The following ZNG1B variants were observed in gnomAD, a reference collection of about 807,000 sequenced individuals.
The protein encoded by ZNG1B is zinc-regulated GTPase metalloprotein activator 1B.
At chr2:113,442,303 A>G in the ZNG1B span, among the ~76,000 whole-genome samples, 1 of 152,174 alleles carries the variant, frequency 6.6e-6, no homozygotes, top group Non-Finnish European at 1.5e-5. Context: ...TCTAGACACA[A>G]TACTTCTGTT....
chr2:113,488,298 A>G, the ZNG1B span, among the ~76,000 whole-genome samples: 4 of 152,194 alleles, frequency 2.6e-5, no homozygotes, highest in Non-Finnish European at 4.4e-5. Flanking sequence ...TCAGGAAGCC[A>G]CATCCATAGG....
chr2:113,471,378 T>A, the ZNG1B span, among the ~76,000 whole-genome samples: 12 of 152,196 alleles, frequency 7.9e-5, no homozygotes, highest in Non-Finnish European at 1.2e-4. Flanking sequence ...TATGAGAAAA[T>A]GCATGAAATA....
the ZNG1B span, among the ~76,000 whole-genome samples, chr2:113,459,894 T>C: frequency 1.1e-4 from 15 of 138,268 alleles, no homozygotes; most frequent in African/African-American, 3.9e-4. Context: ...TAAACAGGAT[T>C]ATGAGGGGGA....
chr2:113,483,199 G>A, the ZNG1B span, among the ~76,000 whole-genome samples: 2 of 152,240 alleles, frequency 1.3e-5, no homozygotes, highest in East Asian at 1.9e-4. Context: ...TAAAGAACGT[G>A]ATGCCAAGAA....
the ZNG1B span, among the ~76,000 whole-genome samples, chr2:113,460,966 C>T: frequency 6.0e-5 from 9 of 149,586 alleles, no homozygotes; most frequent in Non-Finnish European, 1.2e-4. Flanking sequence ...TTGAGGAACT[C>T]GGGAAATATT....
chr2:113,451,320 A>G, the ZNG1B span, among the ~76,000 whole-genome samples: 2 of 144,186 alleles, frequency 1.4e-5, no homozygotes, highest in African/African-American at 2.6e-5. Context: ...TTCAAAATTT[A>G]TGGCAGGCCC....
At chr2:113,477,038 G>T in the ZNG1B span, among the ~76,000 whole-genome samples, 5 of 152,218 alleles carry the variant, frequency 3.3e-5, no homozygotes, top group South Asian at 1.0e-3. Context: ...AGCTGTGGTG[G>T]GCTCCACCCA....
chr2:113,495,962 A>T, the ZNG1B span: 1 of 518,756 alleles, frequency 1.9e-6, no homozygotes, highest in East Asian at 6.7e-5. Flanking sequence ...ATGGTATTTC[A>T]CAAAAATGTC....
At chr2:113,438,514 C>T in the ZNG1B span, among the ~76,000 whole-genome samples, 1 of 152,156 alleles carries the variant, frequency 6.6e-6, no homozygotes, top group South Asian at 2.1e-4. Context: ...TGGCAGGGAG[C>T]GCTCCTATCT....
chr2:113,444,642 T>C, the ZNG1B span, among the ~76,000 whole-genome samples: 1 of 151,990 alleles, frequency 6.6e-6, no homozygotes, highest in African/African-American at 2.4e-5. Context: ...ATAAATTTTA[T>C]CATTATTTTG....
chr2:113,487,388 A>G, the ZNG1B span, among the ~76,000 whole-genome samples: 8 of 152,316 alleles, frequency 5.3e-5, no homozygotes, highest in Admixed American at 4.6e-4. Context: ...GGTAAAAAAC[A>G]CTTAACATGA....
chr2:113,483,153 A>G, the ZNG1B span, among the ~76,000 whole-genome samples: 10 of 152,272 alleles, frequency 6.6e-5, no homozygotes, highest in Admixed American at 5.9e-4. Context: ...GGTATCTGTC[A>G]TATAGCTGAA....
chr2:113,475,321 G>C, the ZNG1B span, among the ~76,000 whole-genome samples: 7 of 152,176 alleles, frequency 4.6e-5, no homozygotes, highest in Admixed American at 2.6e-4. Context: ...CCCCTGCCTT[G>C]TTTTGTTTTC....
chr2:113,477,069 T>C, the ZNG1B span, among the ~76,000 whole-genome samples: 1 of 152,204 alleles, frequency 6.6e-6, no homozygotes, highest in African/African-American at 2.4e-5. Context: ...CCTGGCTGCT[T>C]TGTTTACCTA....
At chr2:113,454,311 T>G in the ZNG1B span, among the ~76,000 whole-genome samples, 10 of 152,286 alleles carry the variant, frequency 6.6e-5, no homozygotes, top group East Asian at 1.9e-3. Flanking sequence ...GATGTCTCAT[T>G]CTTTCGGCAA....
the ZNG1B span, among the ~76,000 whole-genome samples, chr2:113,442,864 G>C: frequency 6.6e-6 from 1 of 151,968 alleles, no homozygotes; most frequent in East Asian, 1.9e-4. Flanking sequence ...TAGAGGAAAA[G>C]TAAAACATTT....
the ZNG1B span, chr2:113,444,831 A>T: frequency 7.9e-7 from 1 of 1,267,760 alleles, no homozygotes; most frequent in Non-Finnish European, 1.1e-6. Flanking sequence ...TTAGAAGGTT[A>T]GAAGTGAGTT....
At chr2:113,494,524 G>T in the ZNG1B span, 1 of 650,858 alleles carries the variant, frequency 1.5e-6, no homozygotes, top group Non-Finnish European at 1.9e-6. Flanking sequence ...TGTGCACAAA[G>T]TTTTTGGTAA....
At chr2:113,463,600 G>T in the ZNG1B span, among the ~76,000 whole-genome samples, 4 of 152,152 alleles carry the variant, frequency 2.6e-5, no homozygotes, top group Non-Finnish European at 4.4e-5. Flanking sequence ...GTATTGTTGC[G>T]TAGTGTTAAA....
Sources: gnomAD v4.1 joint callset for allele counts (sites outside exome capture counted in the v4.1 genomes callset) on GRCh38, gnomAD v4.1.1 for gene constraint, MANE v1.5 for transcripts, NCBI Gene and HGNC (gene_info 2026-07-23, HGNC 2026-07-21) for gene names.